ROBO2: variants seen among roughly 807,000 people sequenced by gnomAD.
The protein encoded by ROBO2 is roundabout homolog 2.
A neutral mutation model predicts 160.8 loss-of-function variants in ROBO2; 53 were observed. The observed-to-expected ratio is 0.33, with a 90% CI of 0.26 to 0.41. The LOEUF is 0.41. Ranked by LOEUF, ROBO2 falls within the 10% of genes least tolerant of loss-of-function variation. ROBO2 has a pLI of 1.00. For synonymous variants in ROBO2, 664 were observed against 611.7 expected (o/e 1.09, Z -1.26); for missense variants, 1,577 against 1,722.4 (o/e 0.92, Z 1.49).
chr3:76,281,219 C>A (rs769060148), intron 2 of ROBO2, among the ~76,000 whole-genome samples: 11 of 151,722 alleles, frequency 7.3e-5, no homozygotes, highest in Non-Finnish European at 1.0e-4. Context: ...TACCAATTCC[C>A]ACATGTGGGA....
chr3:77,100,599 G>A (rs971242365), intron 2 of ROBO2, among the ~76,000 whole-genome samples: 1 of 151,880 alleles, frequency 6.6e-6, no homozygotes, highest in Non-Finnish European at 1.5e-5. Flanking sequence ...ACTCATTGTG[G>A]TGCATTCACT....
intron 5 of ROBO2, among the ~76,000 whole-genome samples, chr3:77,514,337 G>A (rs1561046008): frequency 6.6e-6 from 1 of 151,750 alleles, no homozygotes; most frequent in South Asian, 2.1e-4. Context: ...ACCTCCCAGG[G>A]TTACATTTGG....
intron 2 of ROBO2, among the ~76,000 whole-genome samples, chr3:76,404,270 T>A (rs560897227): frequency 6.6e-5 from 10 of 151,786 alleles, no homozygotes; most frequent in Admixed American, 2.6e-4. Flanking sequence ...TAAGTGTGAT[T>A]GGATTTTGCA....
chr3:76,798,780 C>T (rs1281046909), intron 2 of ROBO2, among the ~76,000 whole-genome samples: 1 of 152,124 alleles, frequency 6.6e-6, no homozygotes, highest in African/African-American at 2.4e-5. Flanking sequence ...GTAGTCCCAG[C>T]TACTCAGCAG....
At chr3:76,689,892 G>A (rs1252845042) in intron 2 of ROBO2, among the ~76,000 whole-genome samples, 2 of 151,896 alleles carry the variant, frequency 1.3e-5, no homozygotes, top group African/African-American at 2.4e-5. Flanking sequence ...CTTTGCTTAC[G>A]TTTCCCAACA....
At chr3:76,730,014 AGT>A (rs1159327437) in intron 2 of ROBO2, among the ~76,000 whole-genome samples, 1 of 152,090 alleles carries the variant, frequency 6.6e-6, no homozygotes, top group East Asian at 1.9e-4. Flanking sequence ...TTACTTTCTT[AGT>A]TTGGGAATAT....
chr3:76,236,050 G>T (rs7648112), intron 2 of ROBO2, among the ~76,000 whole-genome samples: 2 of 152,038 alleles, frequency 1.3e-5, no homozygotes, highest in African/African-American at 4.8e-5. Context: ...TGCCTTATTT[G>T]GTTGTTAATC....
At chr3:77,517,175 A>T (rs568316621) in intron 5 of ROBO2, among the ~76,000 whole-genome samples, 1 of 151,780 alleles carries the variant, frequency 6.6e-6, no homozygotes, top group South Asian at 2.1e-4. Context: ...GTAATTTTTT[A>T]AAAGTAACTG....
At position 77,581,454 on chromosome 3, in the gene ROBO2, A is replaced by T. The variant is rs138014659; in HGVS notation, c.2500+1336A>T. Among the ~76,000 whole-genome samples, 1,330 of 152,204 alleles carry T rather than the reference A, an allele frequency of 8.7e-3. 17 individuals carry two copies. Among genetic ancestry groups the T allele is most frequent in the African/African-American group, 0.03 (1,257 of 41,566 alleles). On this transcript the variant is annotated intron_variant, in intron 16 of 25. Transcript: ENST00000461745. Reference sequence around the variant, plus strand: ...GCTTTTATGCGGAGGTCTATAATTCATCTGATGGTAACTGCAATGTGGTTA... The same window carrying T: ...GCTTTTATGCGGAGGTCTATAATTCTTCTGATGGTAACTGCAATGTGGTTA...
In ROBO2 at chr3:77,168,893, C is replaced by A. The variant is rs1165259329; in HGVS notation, c.388+70553C>A. ...GAGTCTGCAAACTTGGCAGCTTTTA[C>A]CCTCTCTCATCTGTGGGATTGTTTT... On this transcript the variant is annotated intron_variant, in intron 2 of 25. Coordinates refer to ENST00000461745, the Ensembl canonical transcript of ROBO2. 2.6e-5 allele frequency among the ~76,000 whole-genome samples: 4 copies of A among 152,246 alleles called. No individual in the cohort carries two copies. The South Asian group carries it at 8.3e-4, about 32-fold the overall frequency.
chr3:76,670,542 C>T (rs1222766525), intron 2 of ROBO2, among the ~76,000 whole-genome samples: 2 of 151,876 alleles, frequency 1.3e-5, no homozygotes, highest in African/African-American at 2.4e-5. Context: ...TGGCTCTAGG[C>T]GCTGTGCTTT....
chr3:76,955,082 T>G (rs552670994), intron 2 of ROBO2, among the ~76,000 whole-genome samples: 1 of 152,308 alleles, frequency 6.6e-6, no homozygotes, highest in South Asian at 2.1e-4. Flanking sequence ...CTTTACGAAT[T>G]TGACTATTCT....
chr3:76,054,018 C>T (rs1399512035), intron 2 of ROBO2, among the ~76,000 whole-genome samples: 2 of 152,050 alleles, frequency 1.3e-5, no homozygotes, highest in Non-Finnish European at 2.9e-5. Flanking sequence ...CTGTTTGGAA[C>T]TAAATTGACC....
chr3:76,736,831 C>T lies in ROBO2; in HGVS notation c.110-361183C>T, dbSNP rs2093720586. Among the ~76,000 whole-genome samples the T allele has an allele frequency of 1.3e-5, 2 of 152,198 alleles. 1 individual carries two copies. The highest frequency in any genetic ancestry group is 1.3e-4 in the Admixed American group (2 of 15,274). On this transcript the variant is annotated intron_variant, in intron 2 of 26. Coordinates refer to the ROBO2 transcript ENST00000487694. ...CCTAGCATAAAATCATCACTACTTA[C>T]TAATGTTCTCAGTAAGAGTTTAAAA...
intron 21 of ROBO2, among the ~76,000 whole-genome samples, chr3:77,608,731 A>G (rs2094571223): frequency 6.6e-6 from 1 of 152,112 alleles, no homozygotes. Flanking sequence ...TCTTCCTTAT[A>G]ATTCCCAGGT....
At chr3:76,755,213 A>C (rs1403201051) in intron 2 of ROBO2, among the ~76,000 whole-genome samples, 2 of 151,904 alleles carry the variant, frequency 1.3e-5, no homozygotes, top group Non-Finnish European at 2.9e-5. Context: ...TGTCCAGTGT[A>C]TATTCTCTCA....
intron 2 of ROBO2, among the ~76,000 whole-genome samples, chr3:77,440,753 G>T (rs1188279466): frequency 6.6e-6 from 1 of 152,136 alleles, no homozygotes; most frequent in Non-Finnish European, 1.5e-5. Context: ...GAAAGTCTCA[G>T]CCGAGTGTAA....
At chr3:76,348,732 T>A (rs1290589936) in intron 2 of ROBO2, among the ~76,000 whole-genome samples, 3 of 152,148 alleles carry the variant, frequency 2.0e-5, no homozygotes, top group South Asian at 2.1e-4. Flanking sequence ...TGGAGGAATT[T>A]ATCCACAGAG....
At chr3:76,538,066 G>A (rs564951219) in intron 2 of ROBO2, among the ~76,000 whole-genome samples, 17 of 151,874 alleles carry the variant, frequency 1.1e-4, no homozygotes, top group East Asian at 1.9e-4. Flanking sequence ...TCCAGATTTC[G>A]TGGCTCCTGC....
Sources: allele counts gnomAD v4.1 joint callset (sites outside exome capture counted in the v4.1 genomes callset), GRCh38; gene constraint gnomAD v4.1.1; transcripts MANE v1.5; gene names NCBI Gene and HGNC (gene_info 2026-07-23, HGNC 2026-07-21).